Variants in PIEZO2 observed in about 807,000 individuals in gnomAD.
PIEZO2 encodes piezo type mechanosensitive ion channel component 2, also known as piezo-type mechanosensitive ion channel component 2.
Under a neutral mutation model 337.3 loss-of-function variants are expected in PIEZO2, and 172 were observed. That is an observed-to-expected ratio of 0.51 (90% CI 0.45 to 0.58). PIEZO2 has a LOEUF of 0.58. Among genes scored for constraint, PIEZO2 ranks in the 20% least tolerant of loss-of-function variants. PIEZO2 has a pLI of 0.00. For synonymous variants in PIEZO2, 1,251 were observed against 1,228.5 expected, an observed-to-expected ratio of 1.02 and a Z score of -0.38; for missense variants, 3,028 against 3,391.3, an observed-to-expected ratio of 0.89 and a Z score of 2.66.
Position 11,083,047 on chromosome 18 carries a change from C to A in PIEZO2, c.65-16825G>T, listed in dbSNP as rs188984496. Among the ~76,000 whole-genome samples, 1 of 152,156 alleles carries A rather than the reference C, an allele frequency of 6.6e-6. No individual in the cohort carries two copies. The highest frequency in any genetic ancestry group is 1.5e-5 in the Non-Finnish European group (1 of 68,028). ...AGTTGCCTTATGGATGTGGACATCACCTCTTGATTCTGCAGAGTTCACTTA... is the reference window on the plus strand; with the variant it reads ...AGTTGCCTTATGGATGTGGACATCAACTCTTGATTCTGCAGAGTTCACTTA... On this transcript the variant is annotated intron_variant, in intron 1 of 55. Coordinates refer to ENST00000674853, the MANE Select transcript of PIEZO2 (RefSeq NM_001378183.1). This position sits in a 1 kb window ranked among gnomAD's most constrained non-coding sequence, Gnocchi z 4.4.
Position 10,762,765 on chromosome 18 carries a change from A to G in PIEZO2, c.3124-140T>C, listed in dbSNP as rs975503807. The G allele has an allele frequency of 1.4e-5, 18 of 1,320,182 alleles. No homozygotes were observed. The African/African-American group carries it at 2.7e-4, about 20-fold the overall frequency. 81.8% of individuals were successfully genotyped at this position (1,320,182 alleles called of 1,614,324 possible). On this transcript the variant is annotated intron_variant, in intron 22 of 55. Coordinates refer to ENST00000674853, the MANE Select transcript of PIEZO2 (RefSeq NM_001378183.1). ...CCATTTCAGGGGAGACCTCAGTATGAGACGAGGCTTAACACAGGCCCAGAG... is the reference window on the plus strand; with the variant it reads ...CCATTTCAGGGGAGACCTCAGTATGGGACGAGGCTTAACACAGGCCCAGAG...
intron 39 of PIEZO2, among the ~76,000 whole-genome samples, chr18:10,714,150 T>C (rs60252680): frequency 0.01 from 1,524 of 152,258 alleles, 36 homozygotes; most frequent in African/African-American, 0.034. Flanking sequence ...AAAACAGGGA[T>C]AATAATAGCA....
chr18:10,759,455 C>G lies in PIEZO2; in HGVS notation c.3757+27G>C. 2 of 1,513,160 alleles carry G rather than the reference C, an allele frequency of 1.3e-6. No homozygotes were observed. Among genetic ancestry groups the G allele is most frequent in the Admixed American group, 2.0e-5 (1 of 50,950 alleles). 93.7% of individuals were successfully genotyped at this position (1,513,160 alleles called of 1,614,324 possible). A position where few individuals can be genotyped will look rare whatever the true frequency, so the allele number is the denominator to read the frequency against. ...AACAGTAAACCCGGATACCAGCACT[C>G]TGTGGCCCTGCAGTGGAAACACTTA... On this transcript the variant is annotated intron_variant, in intron 26 of 55. Coordinates refer to ENST00000674853, the MANE Select transcript of PIEZO2 (RefSeq NM_001378183.1). This position sits in a 1 kb window ranked among gnomAD's most constrained non-coding sequence, Gnocchi z 5.5.
intron 1 of PIEZO2, among the ~76,000 whole-genome samples, chr18:11,088,551 T>C (rs2038978072): frequency 6.6e-6 from 1 of 152,246 alleles, no homozygotes; most frequent in Non-Finnish European, 1.5e-5. Context: ...GCATTATTAA[T>C]GTGTTAATTG....
intron 3 of PIEZO2, among the ~76,000 whole-genome samples, chr18:10,941,154 TG>T (rs2032703883): frequency 2.0e-5 from 3 of 151,504 alleles, no homozygotes; most frequent in Non-Finnish European, 4.4e-5. Flanking sequence ...AACTAAAAAA[TG>T]AAAAAAAATG....
rs781677606 is a variant in PIEZO2 at position 10,862,309 on chromosome 18, C to T, written c.493-5098G>A. On this transcript the variant is annotated intron_variant, in intron 5 of 55. Coordinates refer to ENST00000674853, the MANE Select transcript of PIEZO2 (RefSeq NM_001378183.1). The surrounding 1 kb of genome is among the most constrained non-coding windows in gnomAD (Gnocchi z 4.4). ...TTGATAACATGTATTAGTGTAAGAT[C>T]TCTCATTTCACATAAGGAAACTTTA... Among the ~76,000 whole-genome samples the T allele has an allele frequency of 7.9e-5, 12 of 151,776 alleles. No homozygotes were observed. Among genetic ancestry groups the T allele is most frequent in the Admixed American group, 2.6e-4 (4 of 15,236 alleles).
chr18:10,717,699 T>C (rs1159302952), intron 37 of PIEZO2, among the ~76,000 whole-genome samples: 6 of 152,188 alleles, frequency 3.9e-5, no homozygotes, highest in Admixed American at 3.9e-4. Context: ...TATCCCTGAC[T>C]CTCTTACTTA....
chr18:11,144,567 T>C (rs898917410), intron 1 of PIEZO2, among the ~76,000 whole-genome samples: 3 of 152,240 alleles, frequency 2.0e-5, no homozygotes, highest in African/African-American at 7.2e-5. Flanking sequence ...GAGAAAATTA[T>C]GATTAGATAG....
chr18:10,702,296 G>A, intron 42 of PIEZO2, 125 bp from the exon 43 acceptor site: 1 of 880,016 alleles, frequency 1.1e-6, no homozygotes, highest in South Asian at 1.8e-5. Context: ...ATGGTAGGCA[G>A]GCACATAATT....
intron 52 of PIEZO2, among the ~76,000 whole-genome samples, chr18:10,678,946 T>C (rs2034141948): frequency 6.8e-6 from 1 of 147,474 alleles, no homozygotes; most frequent in South Asian, 2.2e-4. Context: ...TTTTTTTTTT[T>C]TTTTTTGAGA....
intron 3 of PIEZO2, among the ~76,000 whole-genome samples, chr18:10,944,488 C>CATAT (rs768935656): frequency 6.0e-5 from 8 of 132,892 alleles, no homozygotes; most frequent in East Asian, 2.3e-4. Flanking sequence ...ATCTTAGTAA[C>CATAT]ATATATATAT....
At chr18:11,093,995 T>C (rs2039183913) in intron 1 of PIEZO2, among the ~76,000 whole-genome samples, 1 of 150,924 alleles carries the variant, frequency 6.6e-6, no homozygotes, top group Admixed American at 6.6e-5. Flanking sequence ...TTTCTTTTTT[T>C]GAGACAGTGT....
rs2036013025 is a variant in PIEZO2 at position 10,716,414 on chromosome 18, A to C, written c.5090-598T>G. On this transcript the variant is annotated intron_variant, in intron 37 of 55. Coordinates refer to ENST00000674853, the MANE Select transcript of PIEZO2 (RefSeq NM_001378183.1). This position sits in a 1 kb window ranked among gnomAD's most constrained non-coding sequence, Gnocchi z 4.1. Reference sequence around the variant, plus strand: ...TAATATGTGTATATAGTGACATCTGATGTTCTGTGTGACAATTTCCCACCT... The same window carrying C: ...TAATATGTGTATATAGTGACATCTGCTGTTCTGTGTGACAATTTCCCACCT... 6.6e-6 allele frequency among the ~76,000 whole-genome samples: 1 copy of C among 152,140 alleles called. No individual in the cohort carries two copies. Among genetic ancestry groups the C allele is most frequent in the Admixed American group, 6.5e-5 (1 of 15,274 alleles).
chr18:11,025,265 T>C (rs2036496507), intron 2 of PIEZO2, among the ~76,000 whole-genome samples: 2 of 152,154 alleles, frequency 1.3e-5, no homozygotes, highest in Non-Finnish European at 2.9e-5. Context: ...CTGGAAACAG[T>C]GTCTTTTACA....
intron 30 of PIEZO2, among the ~76,000 whole-genome samples, chr18:10,747,636 G>A (rs571944887): frequency 5.5e-4 from 83 of 152,256 alleles, no homozygotes; most frequent in Non-Finnish European, 8.2e-4. Context: ...CCCGACTAGG[G>A]CCTCTTTCTA....
At chr18:10,902,247 G>A (rs997863610) in intron 4 of PIEZO2, among the ~76,000 whole-genome samples, 5 of 152,172 alleles carry the variant, frequency 3.3e-5, no homozygotes, top group Admixed American at 1.3e-4. Flanking sequence ...AACCAGTCCT[G>A]GTCCCAAAAA....
chr18:11,109,175 C>A lies in PIEZO2; in HGVS notation c.64+39350G>T, dbSNP rs2039659291. Among the ~76,000 whole-genome samples, 1 of 152,182 alleles carries A rather than the reference C, an allele frequency of 6.6e-6. No homozygotes were observed. Among genetic ancestry groups the A allele is most frequent in the Non-Finnish European group, 1.5e-5 (1 of 68,034 alleles). Reference sequence around the variant, plus strand: ...ACAGCTTACAAACCACACATCTTGACAACTCCACCACGTCCATAACCTCAT... The same window carrying A: ...ACAGCTTACAAACCACACATCTTGAAAACTCCACCACGTCCATAACCTCAT... On this transcript the variant is annotated intron_variant, in intron 1 of 55. Transcript: ENST00000674853. The surrounding 1 kb of genome is among the most constrained non-coding windows in gnomAD (Gnocchi z 5.1).
chr18:10,938,096 A>T (rs1426786670), intron 3 of PIEZO2, among the ~76,000 whole-genome samples: 1 of 152,182 alleles, frequency 6.6e-6, no homozygotes, highest in African/African-American at 2.4e-5. Flanking sequence ...TTTTAGATTC[A>T]ATTCCACTCT....
At chr18:10,827,255 C>A (rs957949889) in intron 7 of PIEZO2, among the ~76,000 whole-genome samples, 1 of 151,984 alleles carries the variant, frequency 6.6e-6, no homozygotes, top group Non-Finnish European at 1.5e-5. Context: ...GAGTGTGCAT[C>A]GCCACTATAA....
Sources: gnomAD v4.1 joint callset for allele counts (sites outside exome capture counted in the v4.1 genomes callset) on GRCh38, gnomAD v4.1.1 for gene constraint, Gnocchi (gnomAD v3.1) non-coding constraint, MANE v1.5 for transcripts, NCBI Gene and HGNC (gene_info 2026-07-23, HGNC 2026-07-21) for gene names.